Variants in ZNF143 observed in about 807,000 individuals in gnomAD.
The protein encoded by ZNF143 is zinc finger protein 143.
Under a neutral mutation model 74.1 loss-of-function variants are expected in ZNF143, and 49 were observed. That is an observed-to-expected ratio of 0.66 (90% CI 0.53 to 0.84). ZNF143 has a LOEUF of 0.84. ZNF143 is among the 40% of genes least tolerant of loss of function. ZNF143 has a pLI of 0.00. For missense variants in ZNF143, 637 were observed against 793.4 expected (o/e 0.80, Z 2.37); for synonymous variants, 304 against 282.8 (o/e 1.07, Z -0.75).
chr11:9,486,420 T>TATAATATA (rs368754514), intron 7 of ZNF143, among the ~76,000 whole-genome samples: 1 of 31,038 alleles, frequency 3.2e-5, no homozygotes, highest in Non-Finnish European at 6.4e-5. Flanking sequence ...ATAATATATA[T>TATAATATA]TATATATATT....
chr11:9,488,863 A>G (rs1847662357), intron 7 of ZNF143, among the ~76,000 whole-genome samples: 1 of 152,128 alleles, frequency 6.6e-6, no homozygotes. Context: ...ATAGAATAAG[A>G]AGGTAGTAGT....
chr11:9,495,973 A>G (rs780682919), intron 8 of ZNF143, among the ~76,000 whole-genome samples: 1 of 152,030 alleles, frequency 6.6e-6, no homozygotes, highest in African/African-American at 2.4e-5. Context: ...CACACTCTTA[A>G]CCTTACATTG....
intron 11 of ZNF143, among the ~76,000 whole-genome samples, chr11:9,505,878 C>CAAA (rs1177848404): frequency 6.0e-5 from 4 of 66,846 alleles, no homozygotes; most frequent in Non-Finnish European, 9.8e-5. Flanking sequence ...GACTCCATAT[C>CAAA]AAAAAAAAAA....
intron 7 of ZNF143, among the ~76,000 whole-genome samples, chr11:9,490,898 A>AT (rs779804437): frequency 2.0e-5 from 3 of 151,618 alleles, no homozygotes; most frequent in East Asian, 2.0e-4. Context: ...ACACTCAGCT[A>AT]TTTTTTTATC....
chr11:9,515,449 A>G (rs1450255274), intron 13 of ZNF143, among the ~76,000 whole-genome samples: 1 of 151,754 alleles, frequency 6.6e-6, no homozygotes, highest in Non-Finnish European at 1.5e-5. Flanking sequence ...GGAGATCGAG[A>G]CCGGCTTGTC....
At chr11:9,475,908 ATATGTGTGTGTGTGTGTGTG>A (rs1166136149) in intron 5 of ZNF143, among the ~76,000 whole-genome samples, 2 of 117,632 alleles carry the variant, frequency 1.7e-5, no homozygotes, top group Non-Finnish European at 3.5e-5. Flanking sequence ...AAAAAAATAT[ATATGTGTGTGTGTGTGTGTG>A]TGTGTGTGTG....
intron 14 of ZNF143, among the ~76,000 whole-genome samples, chr11:9,523,521 C>T (rs1849013581): frequency 6.7e-6 from 1 of 150,034 alleles, no homozygotes; most frequent in African/African-American, 2.5e-5. Flanking sequence ...ATCACGAGGT[C>T]AGGAGATCGA....
At chr11:9,519,253 C>A (rs971609887) in intron 14 of ZNF143, among the ~76,000 whole-genome samples, 1 of 151,958 alleles carries the variant, frequency 6.6e-6, no homozygotes, top group African/African-American at 2.4e-5. Context: ...ACTCTGTCAC[C>A]CTGGCTGGAG....
intron 7 of ZNF143, among the ~76,000 whole-genome samples, chr11:9,493,971 T>C (rs771577650): frequency 6.6e-6 from 1 of 152,194 alleles, no homozygotes; most frequent in Non-Finnish European, 1.5e-5. Flanking sequence ...GAAAACACTT[T>C]TGACATTGTT....
chr11:9,508,341 G>C (rs1247584852), intron 11 of ZNF143, among the ~76,000 whole-genome samples: 1 of 152,162 alleles, frequency 6.6e-6, no homozygotes, highest in Non-Finnish European at 1.5e-5. Flanking sequence ...ATTAAAGTTA[G>C]AGTTAAACTG....
intron 7 of ZNF143, among the ~76,000 whole-genome samples, chr11:9,486,402 T>TTA (rs1207682351): frequency 6.4e-4 from 17 of 26,528 alleles, no homozygotes; most frequent in South Asian, 1.0e-3. Context: ...ATATAATATA[T>TTA]TATATATATA....
chr11:9,474,673 G>A (rs777721566), intron 5 of ZNF143, 40 bp downstream of exon 5: 10 of 1,564,740 alleles, frequency 6.4e-6, no homozygotes, highest in Non-Finnish European at 7.0e-6. Context: ...TAAGGGAGAA[G>A]TGGGAGTGGT....
At chr11:9,486,794 G>A (rs1378161516) in intron 7 of ZNF143, among the ~76,000 whole-genome samples, 1 of 148,632 alleles carries the variant, frequency 6.7e-6, no homozygotes, top group African/African-American at 2.5e-5. Flanking sequence ...TCAGCCTCCC[G>A]AGTAGCTGGG....
chr11:9,469,831 A>G (rs1444097990), intron 1 of ZNF143, among the ~76,000 whole-genome samples: 1 of 152,170 alleles, frequency 6.6e-6, no homozygotes, highest in Admixed American at 6.6e-5. Flanking sequence ...TCCAGGTGTG[A>G]GCCACTGCAC....
rs761089604 is a variant in ZNF143, at chr11:9,479,553, A to G, written c.645+7A>G. The G allele has an allele frequency of 2.5e-5, 41 of 1,609,878 alleles. No homozygotes were observed. The highest frequency in any genetic ancestry group is 3.0e-5 in the Non-Finnish European group (35 of 1,178,068). On this transcript the variant is annotated splice_region_variant and intron_variant, in intron 7 of 15. Coordinates refer to ENST00000396602, the MANE Select transcript of ZNF143 (RefSeq NM_003442.6). ...GCAAGAGAAAAAAATGCAGGTATGT[A>G]AAGCTACTTTTTAATATAAAAATCT... is the stretch of plus-strand genomic sequence containing the variant.
chr11:9,525,624 GTA>G (rs1849098373), intron 15 of ZNF143: 4 of 532,418 alleles, frequency 7.5e-6, no homozygotes, highest in Non-Finnish European at 3.4e-6. Flanking sequence ...AAACCTTCAG[GTA>G]TATATCCCTG....
chr11:9,485,337 T>TTC (rs1171330322), intron 7 of ZNF143, among the ~76,000 whole-genome samples: 5 of 149,392 alleles, frequency 3.3e-5, no homozygotes, highest in South Asian at 2.1e-4. Flanking sequence ...TGTTGTTTTT[T>TTC]TCTCTCTCTC....
intron 12 of ZNF143, among the ~76,000 whole-genome samples, chr11:9,510,120 C>CTT (rs59202962): frequency 9.2e-5 from 13 of 140,798 alleles, no homozygotes; most frequent in African/African-American, 2.3e-4. Flanking sequence ...TTCCTATATT[C>CTT]TTTTTTTTTT....
At chr11:9,485,379 G>A (rs1428458741) in intron 7 of ZNF143, among the ~76,000 whole-genome samples, 2 of 117,360 alleles carry the variant, frequency 1.7e-5, no homozygotes, top group African/African-American at 7.0e-5. Context: ...GAGAAGTCTC[G>A]CTATGTCACC....
Sources: allele counts gnomAD v4.1 joint callset (sites outside exome capture counted in the v4.1 genomes callset), GRCh38; gene constraint gnomAD v4.1.1; transcripts MANE v1.5; gene names NCBI Gene and HGNC (gene_info 2026-07-23, HGNC 2026-07-21).